Variants in CACNA2D3 observed in about 807,000 individuals in gnomAD.
CACNA2D3 encodes the protein voltage-dependent calcium channel subunit alpha-2/delta-3.
A neutral mutation model predicts 160.6 loss-of-function variants in CACNA2D3; 60 were observed. The ratio of observed to expected loss-of-function variants is 0.37; its 90% confidence interval spans 0.30 to 0.46. CACNA2D3 has a LOEUF of 0.46. Among genes scored for constraint, CACNA2D3 ranks in the 20% least tolerant of loss-of-function variants. The probability of loss-of-function intolerance (pLI) is 1.00; values close to 1 mark genes in which losing one functional copy is unlikely to be tolerated. For missense variants in CACNA2D3, 1,205 were observed against 1,365.0 expected (o/e 0.88, Z 1.85); for synonymous variants, 558 against 492.9 (o/e 1.13, Z -1.75).
chr3:54,140,398 A>G (rs2107266143), intron 2 of CACNA2D3, among the ~76,000 whole-genome samples: 1 of 152,328 alleles, frequency 6.6e-6, no homozygotes, highest in South Asian at 2.1e-4. Flanking sequence ...CGTTCTGAAG[A>G]CCACTGCTCT....
intron 2 of CACNA2D3, among the ~76,000 whole-genome samples, chr3:54,229,676 A>C (rs911218985): frequency 6.6e-6 from 1 of 152,228 alleles, no homozygotes; most frequent in Non-Finnish European, 1.5e-5. Flanking sequence ...GGAATTTGCT[A>C]TTCGGTCCCC....
chr3:54,345,845 T>TA (rs1553630984), intron 3 of CACNA2D3, among the ~76,000 whole-genome samples: 9,994 of 151,134 alleles, frequency 0.066, 377 homozygotes, highest in Middle Eastern at 0.13. Flanking sequence ...TTTTTTTTTT[T>TA]AAAAAAATTG....
intron 11 of CACNA2D3, among the ~76,000 whole-genome samples, chr3:54,663,883 C>A (rs1218561656): frequency 6.6e-6 from 1 of 152,212 alleles, no homozygotes; most frequent in African/African-American, 2.4e-5. Flanking sequence ...GTTTTCCCTT[C>A]TTGCGTCCTG....
chr3:54,557,166 A>G (rs749970235), intron 5 of CACNA2D3, among the ~76,000 whole-genome samples: 11 of 152,222 alleles, frequency 7.2e-5, no homozygotes, highest in Non-Finnish European at 1.3e-4. Context: ...GATAAGTGTT[A>G]TTTCAAATAT....
At chr3:54,903,022 A>G (rs1369120807) in intron 27 of CACNA2D3, among the ~76,000 whole-genome samples, 1 of 152,214 alleles carries the variant, frequency 6.6e-6, no homozygotes, top group Non-Finnish European at 1.5e-5. Context: ...TTGTTTTGTT[A>G]TAACAGAATA....
chr3:54,415,730 A>G (rs1031678272), intron 4 of CACNA2D3, among the ~76,000 whole-genome samples: 9 of 152,122 alleles, frequency 5.9e-5, no homozygotes, highest in Non-Finnish European at 1.0e-4. Context: ...TCTCTGTTTT[A>G]CATATGGAGA....
rs1447029053 is a variant in CACNA2D3, at chr3:54,216,161, G to T, written c.204+92567G>T. On this transcript the variant is annotated intron_variant, in intron 2 of 37. Transcript: ENST00000474759. Reference sequence around the variant, plus strand: ...TGTGTGTGTGTGTGTGTGTATGGTGGGGAGGGACAAGGCAGAAGCACAGTT... The same window carrying T: ...TGTGTGTGTGTGTGTGTGTATGGTGTGGAGGGACAAGGCAGAAGCACAGTT... 5.9e-5 allele frequency among the ~76,000 whole-genome samples: 9 copies of T among 151,764 alleles called. No individual in the cohort carries two copies. In the South Asian group the frequency reaches 1.0e-3, roughly 18 times the overall value.
chr3:54,161,568 A>G (rs1700344696), intron 2 of CACNA2D3, among the ~76,000 whole-genome samples: 1 of 152,214 alleles, frequency 6.6e-6, no homozygotes, highest in Admixed American at 6.5e-5. Flanking sequence ...CTTAAGTGGC[A>G]ACAGAAGAGT....
At chr3:54,276,463 C>T (rs1210896637) in intron 2 of CACNA2D3, among the ~76,000 whole-genome samples, 1 of 151,492 alleles carries the variant, frequency 6.6e-6, no homozygotes, top group Non-Finnish European at 1.5e-5. Context: ...ATCTCAGCTA[C>T]TTGGGAGGCT....
At chr3:54,168,531 C>T (rs1316847303) in intron 2 of CACNA2D3, among the ~76,000 whole-genome samples, 1 of 152,142 alleles carries the variant, frequency 6.6e-6, no homozygotes, top group African/African-American at 2.4e-5. Flanking sequence ...GCTGTGGGTA[C>T]TGAGGAGCCA....
chr3:54,219,907 A>G lies in CACNA2D3; in HGVS notation c.204+96313A>G, dbSNP rs181167483. ...ATTAAGAATTCTTCTTAATTAAAAAAAAACTACTATCTTTCCTTACTAACC... is the reference window on the plus strand; with the variant it reads ...ATTAAGAATTCTTCTTAATTAAAAAGAAACTACTATCTTTCCTTACTAACC... On this transcript the variant is annotated intron_variant, in intron 2 of 37. Transcript: ENST00000474759. 2.7e-3 allele frequency among the ~76,000 whole-genome samples: 408 copies of G among 152,290 alleles called. 15 individuals carry two copies. Among genetic ancestry groups the G allele is most frequent in the Admixed American group, 0.026 (400 of 15,292 alleles).
At chr3:54,924,083 C>G (rs1423605546) in intron 27 of CACNA2D3, among the ~76,000 whole-genome samples, 2 of 152,202 alleles carry the variant, frequency 1.3e-5, no homozygotes, top group Non-Finnish European at 2.9e-5. Context: ...CTGTTGTCAT[C>G]ATGTTAAAGA....
At chr3:54,552,509 T>TA (rs1702174977) in intron 5 of CACNA2D3, among the ~76,000 whole-genome samples, 1 of 152,222 alleles carries the variant, frequency 6.6e-6, no homozygotes, top group African/African-American at 2.4e-5. Flanking sequence ...TAGGAGTTTT[T>TA]ACAGGAACTT....
At chr3:54,949,479 C>A (rs1479374690) in intron 27 of CACNA2D3, among the ~76,000 whole-genome samples, 1 of 152,128 alleles carries the variant, frequency 6.6e-6, no homozygotes, top group Non-Finnish European at 1.5e-5. Context: ...CTCTTTGGAT[C>A]GTTCATTATT....
In CACNA2D3 at chr3:54,710,141, A is replaced by G. The variant is rs531738144; in HGVS notation, c.1168-42458A>G. ...ATTGTGTACCAGGCATTGAATTAGC[A>G]CCTATGAATAGCACAGGTGAACAGT... On this transcript the variant is annotated intron_variant, in intron 11 of 37. Coordinates refer to ENST00000474759, the MANE Select transcript of CACNA2D3 (RefSeq NM_018398.3). Among the ~76,000 whole-genome samples the G allele has an allele frequency of 3.4e-3, 525 of 152,318 alleles. 2 individuals are homozygous for G. The highest frequency in any genetic ancestry group is 6.4e-3 in the Admixed American group (98 of 15,292).
chr3:54,242,280 A>G (rs2107409345), intron 2 of CACNA2D3, among the ~76,000 whole-genome samples: 1 of 145,698 alleles, frequency 6.9e-6, no homozygotes, highest in South Asian at 2.2e-4. Flanking sequence ...AAACAAAAAC[A>G]AACAAACAAA....
In CACNA2D3 at chr3:54,865,935, G is replaced by A. The variant is rs2106809910; in HGVS notation, c.1627-5604G>A. ...GGATAAGGAAAATGAGGAAAATGAG[G>A]CACAGAGACGTGCACACCTAGCCCC... On this transcript the variant is annotated intron_variant, in intron 17 of 37. Transcript: ENST00000474759. 1.3e-5 allele frequency among the ~76,000 whole-genome samples: 2 copies of A among 152,124 alleles called. 1 individual carries two copies. Among genetic ancestry groups the A allele is most frequent in the African/African-American group, 4.8e-5 (2 of 41,532 alleles).
chr3:54,559,910 G>A (rs956998919), intron 5 of CACNA2D3, among the ~76,000 whole-genome samples: 2 of 152,186 alleles, frequency 1.3e-5, no homozygotes, highest in Non-Finnish European at 2.9e-5. Context: ...CCATGTTCCT[G>A]CAGAGGACAT....
intron 3 of CACNA2D3, among the ~76,000 whole-genome samples, chr3:54,340,433 GA>G (rs947562301): frequency 2.0e-5 from 3 of 152,134 alleles, no homozygotes; most frequent in African/African-American, 7.2e-5. Flanking sequence ...ATTTGTCCAT[GA>G]AAAAGAAACA....
Sources: gnomAD v4.1 joint callset for allele counts (sites outside exome capture counted in the v4.1 genomes callset) on GRCh38, gnomAD v4.1.1 for gene constraint, MANE v1.5 for transcripts, NCBI Gene and HGNC (gene_info 2026-07-23, HGNC 2026-07-21) for gene names.